Variants in ZRANB3 observed in about 807,000 individuals in gnomAD.
ZRANB3 encodes DNA annealing helicase and endonuclease ZRANB3.
A neutral mutation model predicts 133.8 loss-of-function variants in ZRANB3; 125 were observed. That is an observed-to-expected ratio of 0.93 (90% CI 0.81 to 1.08). The LOEUF (loss-of-function observed/expected upper bound fraction) is 1.08, where lower values mean the gene tolerates loss of function less well. Among genes scored for constraint, ZRANB3 ranks in the 50% least tolerant of loss-of-function variants. The pLI, the probability that ZRANB3 is intolerant of heterozygous loss-of-function variation, is 0.00. For missense variants in ZRANB3, 1,229 were observed against 1,275.5 expected (o/e 0.96, Z 0.56); for synonymous variants, 387 against 432.7 (o/e 0.89, Z 1.31).
intron 2 of ZRANB3, among the ~76,000 whole-genome samples, chr2:135,426,053 T>C (rs1005536235): frequency 1.3e-5 from 2 of 151,884 alleles, no homozygotes; most frequent in Non-Finnish European, 2.9e-5. Flanking sequence ...TCAGAGACTA[T>C]TACTGACAGC....
At chr2:135,236,259 C>A (rs1342678042) in intron 12 of ZRANB3, among the ~76,000 whole-genome samples, 1 of 152,004 alleles carries the variant, frequency 6.6e-6, no homozygotes, top group Non-Finnish European at 1.5e-5. Flanking sequence ...TCAAGGAGAA[C>A]TACAAACCAC....
chr2:135,406,602 A>C (rs1397757419), intron 2 of ZRANB3, among the ~76,000 whole-genome samples: 1 of 152,222 alleles, frequency 6.6e-6, no homozygotes, highest in African/African-American at 2.4e-5. Context: ...ATCCAGCAGC[A>C]CATCAAAAAG....
intron 3 of ZRANB3, among the ~76,000 whole-genome samples, chr2:135,360,476 T>C (rs779546577): frequency 1.9e-4 from 29 of 151,702 alleles, no homozygotes; most frequent in South Asian, 4.2e-4. Flanking sequence ...GAGGCCAAGG[T>C]GGGCGGATCA....
chr2:135,471,033 C>T (rs1691243616), intron 2 of ZRANB3, among the ~76,000 whole-genome samples: 2 of 151,616 alleles, frequency 1.3e-5, no homozygotes. Flanking sequence ...AATCTCTTGA[C>T]CTTGTGATCC....
chr2:135,486,893 A>AT (rs2104801044), intron 2 of ZRANB3, among the ~76,000 whole-genome samples: 2 of 152,346 alleles, frequency 1.3e-5, no homozygotes, highest in Admixed American at 1.3e-4. Context: ...TTGATTTGAC[A>AT]TTTTAACCTC....
intron 2 of ZRANB3, among the ~76,000 whole-genome samples, chr2:135,471,638 A>G (rs943921084): frequency 2.6e-5 from 4 of 152,234 alleles, no homozygotes; most frequent in African/African-American, 4.8e-5. Context: ...TTGCAACTAT[A>G]TATTTACTGG....
chr2:135,272,505 C>CT (rs1558877546), intron 9 of ZRANB3, among the ~76,000 whole-genome samples: 1 of 146,936 alleles, frequency 6.8e-6, no homozygotes, highest in Non-Finnish European at 1.5e-5. Context: ...AGCTCCGCCT[C>CT]CGGGTTCACG....
intron 8 of ZRANB3, among the ~76,000 whole-genome samples, chr2:135,311,601 G>C (rs532876684): frequency 4.0e-5 from 6 of 151,748 alleles, no homozygotes; most frequent in Non-Finnish European, 8.8e-5. Flanking sequence ...AAAAATTTTA[G>C]GGGCCAGATG....
At chr2:135,429,806 A>G (rs1312201093) in intron 2 of ZRANB3, among the ~76,000 whole-genome samples, 1 of 152,190 alleles carries the variant, frequency 6.6e-6, no homozygotes, top group Non-Finnish European at 1.5e-5. Flanking sequence ...ATAGTTACTG[A>G]CCCTTTAAAC....
intron 2 of ZRANB3, among the ~76,000 whole-genome samples, chr2:135,452,536 AGTTACGTCCTGGATACAATGGGAGTACAG>A (rs1690321256): frequency 6.6e-6 from 1 of 152,232 alleles, no homozygotes; most frequent in South Asian, 2.1e-4. Flanking sequence ...AAAGCAAGTT[AGTTACGTCCTGGATACAATGGGAGTACAG>A]GTATGGGGTA....
chr2:135,503,876 G>A (rs1348560666), intron 2 of ZRANB3, among the ~76,000 whole-genome samples: 1 of 151,882 alleles, frequency 6.6e-6, no homozygotes, highest in Non-Finnish European at 1.5e-5. Context: ...AGGCTGATGT[G>A]GCAAGATTGC....
intron 2 of ZRANB3, among the ~76,000 whole-genome samples, chr2:135,447,943 G>A (rs896338255): frequency 1.4e-4 from 21 of 152,010 alleles, no homozygotes; most frequent in Admixed American, 6.6e-5. Context: ...AAATGTATTC[G>A]ACTAGAAAGC....
intron 2 of ZRANB3, among the ~76,000 whole-genome samples, chr2:135,396,537 T>C (rs966122686): frequency 3.3e-5 from 5 of 152,060 alleles, no homozygotes; most frequent in Admixed American, 1.3e-4. Context: ...TAGAGGTCAT[T>C]ATGTTAAGTG....
intron 12 of ZRANB3, among the ~76,000 whole-genome samples, chr2:135,254,959 G>C (rs1353683931): frequency 6.6e-6 from 1 of 151,928 alleles, no homozygotes; most frequent in African/African-American, 2.4e-5. Flanking sequence ...CACCATGTTG[G>C]CCAGGCTGGT....
chr2:135,413,967 G>A (rs2104958210), intron 2 of ZRANB3, among the ~76,000 whole-genome samples: 1 of 152,076 alleles, frequency 6.6e-6, no homozygotes, highest in Admixed American at 6.6e-5. Context: ...CACTAAACAT[G>A]GAAAGGAACG....
At chr2:135,298,918 C>T (rs751030781) in intron 8 of ZRANB3, among the ~76,000 whole-genome samples, 3 of 152,042 alleles carry the variant, frequency 2.0e-5, no homozygotes, top group African/African-American at 4.8e-5. Context: ...TGTTCTGAGT[C>T]GCTGTAATGG....
At chr2:135,221,813 C>G (rs1298786655) in intron 15 of ZRANB3, among the ~76,000 whole-genome samples, 1 of 152,114 alleles carries the variant, frequency 6.6e-6, no homozygotes, top group African/African-American at 2.4e-5. Context: ...AGACCAGGCT[C>G]CAAACCTATA....
chr2:135,525,422 A>T (rs1357286425), intron 1 of ZRANB3, among the ~76,000 whole-genome samples: 4 of 152,246 alleles, frequency 2.6e-5, no homozygotes, highest in African/African-American at 9.6e-5. Context: ...TGTGGCTAAA[A>T]AACCTACTTC....
chr2:135,530,060 T>C (rs191670155), intron 1 of ZRANB3, among the ~76,000 whole-genome samples: 1,556 of 151,270 alleles, frequency 0.01, 25 homozygotes, highest in African/African-American at 0.036. Context: ...ACCCCGTCTC[T>C]ACTAAAAATA....
Sources: gnomAD v4.1 joint callset for allele counts (sites outside exome capture counted in the v4.1 genomes callset) on GRCh38, gnomAD v4.1.1 for gene constraint, MANE v1.5 for transcripts, NCBI Gene and HGNC (gene_info 2026-07-23, HGNC 2026-07-21) for gene names.